CARMIL1: variants seen among roughly 807,000 people sequenced by gnomAD.
CARMIL1 encodes the protein capping protein regulator and myosin 1 linker 1, also known as F-actin-uncapping protein LRRC16A.
In CARMIL1, 90 loss-of-function variants were observed where a neutral mutation model predicts 177.1. That is an observed-to-expected ratio of 0.51 (90% CI 0.43 to 0.61). CARMIL1 has a LOEUF of 0.61. CARMIL1 is among the 20% of genes least tolerant of loss of function. The pLI, the probability that CARMIL1 is intolerant of heterozygous loss-of-function variation, is 0.00. For synonymous variants in CARMIL1, 577 were observed against 606.2 expected (o/e 0.95, Z 0.71); for missense variants, 1,380 against 1,667.0 (o/e 0.83, Z 3.00).
chr6:25,456,268 G>T (rs1799522818), intron 8 of CARMIL1, among the ~76,000 whole-genome samples: 1 of 152,156 alleles, frequency 6.6e-6, no homozygotes, highest in African/African-American at 2.4e-5. Flanking sequence ...ATGGTAATTT[G>T]TAAGCAATTT....
chr6:25,502,371 A>G (rs558744351), intron 17 of CARMIL1, among the ~76,000 whole-genome samples: 70 of 152,158 alleles, frequency 4.6e-4, no homozygotes, highest in African/African-American at 1.7e-3. Context: ...AGCCTGGCCA[A>G]GATGGTGACC....
chr6:25,490,750 TAAAAAAAA>T (rs377733924), intron 13 of CARMIL1, among the ~76,000 whole-genome samples: 1 of 50,858 alleles, frequency 2.0e-5, no homozygotes, highest in Non-Finnish European at 3.9e-5. Context: ...AATAAATAAA[TAAAAAAAA>T]ATAAATGTCA....
intron 2 of CARMIL1, among the ~76,000 whole-genome samples, chr6:25,413,427 G>A (rs1301031052): frequency 5.9e-5 from 9 of 152,186 alleles, no homozygotes. Flanking sequence ...TTAGGCCATG[G>A]AGTTATTTAA....
Position 25,471,246 on chromosome 6 carries a change from T to C in CARMIL1, c.768T>C (p.Ala256=). ...TGGAAGAATTGGTGTTGGAAAATGC[T>C]GGACTTAGAACGTGAGTATTTTCCT... ...NRLEELVLEN[A]GLRTDFAQKL... is the part of the protein sequence containing the mutation. The change falls in exon 10 of 37, where the codon GCT becomes GCC. Residue 256 remains alanine, a synonymous_variant. Coordinates refer to ENST00000329474, the MANE Select transcript of CARMIL1 (RefSeq NM_017640.6). The C allele has an allele frequency of 9.3e-6, 15 of 1,611,674 alleles. No individual in the cohort carries two copies. Among genetic ancestry groups the C allele is most frequent in the Non-Finnish European group, 1.3e-5 (15 of 1,178,110 alleles).
intron 1 of CARMIL1, among the ~76,000 whole-genome samples, chr6:25,280,167 T>A (rs1283692481): frequency 6.6e-6 from 1 of 152,066 alleles, no homozygotes; most frequent in Non-Finnish European, 1.5e-5. Flanking sequence ...CATCTTAGAC[T>A]TGGGAGTTCT....
intron 8 of CARMIL1, among the ~76,000 whole-genome samples, chr6:25,460,382 C>A (rs913709114): frequency 6.6e-6 from 1 of 152,154 alleles, no homozygotes; most frequent in Non-Finnish European, 1.5e-5. Context: ...TTACTGGTTC[C>A]ATAATTTTTT....
chr6:25,597,732 A>G (rs906222320), intron 32 of CARMIL1, among the ~76,000 whole-genome samples: 21 of 151,782 alleles, frequency 1.4e-4, no homozygotes, highest in African/African-American at 4.8e-4. Context: ...TTCTGTTTCC[A>G]TTGGCCCATG....
chr6:25,584,502 G>A (rs531484129), intron 31 of CARMIL1, among the ~76,000 whole-genome samples: 1 of 151,234 alleles, frequency 6.6e-6, no homozygotes, highest in Non-Finnish European at 1.5e-5. Flanking sequence ...GTCAACCAGA[G>A]AAAAGCATAA....
intron 2 of CARMIL1, among the ~76,000 whole-genome samples, chr6:25,306,920 C>T (rs1172067723): frequency 6.8e-6 from 1 of 148,048 alleles, no homozygotes; most frequent in African/African-American, 2.5e-5. Flanking sequence ...TTCTTGTCGC[C>T]TGGGCTGGAA....
intron 11 of CARMIL1, among the ~76,000 whole-genome samples, chr6:25,474,790 A>G (rs1186156129): frequency 6.6e-6 from 1 of 152,190 alleles, no homozygotes. Context: ...TAGGAGGGCT[A>G]TTTTTGGTTT....
Position 25,539,989 on chromosome 6 carries a change from G to A in CARMIL1, c.2239G>A (p.Gly747Arg). ...CCATGTTGGTGGTGCATCTTGGGCG[G>A]GAGCCAGTGGCTTACTATCCAGTCC... ...LYHVGGASWA[G>R]ASGLLSSPIQ... is the part of the protein sequence containing the mutation. The change falls in exon 26 of 37, where the codon GGA becomes AGA. Residue 747 changes from glycine to arginine, a missense_variant. Coordinates refer to ENST00000329474, the MANE Select transcript of CARMIL1 (RefSeq NM_017640.6). The A allele has an allele frequency of 6.2e-7, 1 of 1,605,144 alleles. No individual in the cohort carries two copies. Among genetic ancestry groups the A allele is most frequent in the Non-Finnish European group, 8.5e-7 (1 of 1,176,372 alleles).
chr6:25,508,185 G>C (rs577179514), intron 17 of CARMIL1, among the ~76,000 whole-genome samples: 17 of 152,262 alleles, frequency 1.1e-4, no homozygotes, highest in African/African-American at 4.1e-4. Context: ...GCTCGATGGG[G>C]CATTTAGGTA....
chr6:25,512,959 A>G (rs1210908485), intron 20 of CARMIL1, among the ~76,000 whole-genome samples: 1 of 152,218 alleles, frequency 6.6e-6, no homozygotes, highest in African/African-American at 2.4e-5. Context: ...TTCAAATAGT[A>G]ATGTTACACA....
intron 2 of CARMIL1, among the ~76,000 whole-genome samples, chr6:25,364,756 G>C (rs1049284004): frequency 6.6e-6 from 1 of 152,042 alleles, no homozygotes; most frequent in African/African-American, 2.4e-5. Context: ...GTAGAGATGG[G>C]GTTTCGCCAT....
intron 29 of CARMIL1, 78 bp from the exon 30 acceptor site, chr6:25,580,846 C>T: frequency 9.2e-7 from 1 of 1,088,436 alleles, no homozygotes; most frequent in Non-Finnish European, 1.4e-6. Flanking sequence ...ACAGTCGATC[C>T]AGAATGTTTC....
intron 2 of CARMIL1, among the ~76,000 whole-genome samples, chr6:25,342,180 A>C (rs1787015628): frequency 6.6e-6 from 1 of 152,232 alleles, no homozygotes; most frequent in Admixed American, 6.5e-5. Context: ...TCGATCATTA[A>C]GCTTTCCTCT....
chr6:25,517,908 G>A (rs781610373), intron 22 of CARMIL1, among the ~76,000 whole-genome samples: 5 of 152,150 alleles, frequency 3.3e-5, no homozygotes, highest in African/African-American at 4.8e-5. Context: ...AGTAACTAAA[G>A]CCTGCAATTA....
Position 25,528,908 on chromosome 6 carries a change from G to A in CARMIL1, c.2067+15G>A, listed in dbSNP as rs772566470. 10 of 1,589,326 alleles carry A rather than the reference G, an allele frequency of 6.3e-6. No homozygotes were observed. The highest frequency in any genetic ancestry group is 6.9e-6 in the Non-Finnish European group (8 of 1,164,422). ...CCACCCAGCAGGTAAGCGAGCCAGT[G>A]CCTGTGACTTCTCCTTCTATTCTTA... is the stretch of plus-strand genomic sequence containing the variant. On this transcript the variant is annotated intron_variant, in intron 24 of 36. Transcript: ENST00000329474.
chr6:25,373,127 T>C (rs1182422614), intron 2 of CARMIL1, among the ~76,000 whole-genome samples: 2 of 152,220 alleles, frequency 1.3e-5, no homozygotes, highest in Non-Finnish European at 2.9e-5. Flanking sequence ...ATCTTTTTGA[T>C]GTGCTGTTGG....
Sources: allele counts gnomAD v4.1 joint callset (sites outside exome capture counted in the v4.1 genomes callset), GRCh38; gene constraint gnomAD v4.1.1; transcripts MANE v1.5; gene names NCBI Gene and HGNC (gene_info 2026-07-23, HGNC 2026-07-21).